Variants in INPP4B observed in about 807,000 individuals in gnomAD.
The protein encoded by INPP4B is inositol polyphosphate 4-phosphatase type II.
Under a neutral mutation model 122.5 loss-of-function variants are expected in INPP4B, and 55 were observed. The observed-to-expected ratio is 0.45, with a 90% CI of 0.36 to 0.56. The LOEUF is 0.56. Ranked by LOEUF, INPP4B falls within the 20% of genes least tolerant of loss-of-function variation. The pLI, the probability that INPP4B is intolerant of heterozygous loss-of-function variation, is 0.00. For missense variants in INPP4B, 1,000 were observed against 1,097.7 expected (o/e 0.91, Z 1.26); for synonymous variants, 403 against 388.7 (o/e 1.04, Z -0.43).
intron 11 of INPP4B, among the ~76,000 whole-genome samples, chr4:142,255,780 C>T (rs1442636162): frequency 6.6e-6 from 1 of 151,988 alleles, no homozygotes; most frequent in African/African-American, 2.4e-5. Flanking sequence ...CCACTGTCAA[C>T]ATTAGACAGA....
chr4:142,487,573 A>C (rs1203595242), intron 2 of INPP4B, among the ~76,000 whole-genome samples: 5 of 152,142 alleles, frequency 3.3e-5, no homozygotes, highest in Admixed American at 1.3e-4. Flanking sequence ...TGAGTTTCTT[A>C]GTCCATGGAT....
intron 2 of INPP4B, among the ~76,000 whole-genome samples, chr4:142,475,109 T>C (rs17016195): frequency 0.2 from 30,211 of 152,108 alleles, 3,599 homozygotes; most frequent in East Asian, 0.44. Context: ...ACTGTGGCCC[T>C]TGCCTGAGAG....
At chr4:142,735,658 C>T (rs1188134125) in intron 1 of INPP4B, among the ~76,000 whole-genome samples, 2 of 152,082 alleles carry the variant, frequency 1.3e-5, no homozygotes, top group Non-Finnish European at 2.9e-5. Flanking sequence ...AGCTAATGTG[C>T]CTCAGTTCTT....
intron 2 of INPP4B, among the ~76,000 whole-genome samples, chr4:142,619,226 C>A (rs1744360057): frequency 6.6e-6 from 1 of 151,924 alleles, no homozygotes; most frequent in Non-Finnish European, 1.5e-5. Context: ...ATCCAGTAAT[C>A]CTGATACTGG....
chr4:142,291,662 A>G (rs72722457), intron 9 of INPP4B, among the ~76,000 whole-genome samples: 12,037 of 152,188 alleles, frequency 0.079, 632 homozygotes, highest in Middle Eastern at 0.15. Flanking sequence ...CCTCTTTGTC[A>G]CTTGGAAAAT....
chr4:142,251,185 G>T (rs1386444500), intron 11 of INPP4B, among the ~76,000 whole-genome samples: 4 of 151,966 alleles, frequency 2.6e-5, no homozygotes, highest in Non-Finnish European at 5.9e-5. Context: ...TAACCAATAA[G>T]CATGACAAAA....
rs565844184 is a variant in INPP4B, at chr4:142,765,201, A to G, written c.-253-39300T>C. ...TGATAATGGAATGGCCCCAAATTAGAGATTAGCAAGGCAATGAAGATATTG... is the reference window on the plus strand; with the variant it reads ...TGATAATGGAATGGCCCCAAATTAGGGATTAGCAAGGCAATGAAGATATTG... On this transcript the variant is annotated intron_variant, in intron 1 of 25. Transcript: ENST00000262992. Among the ~76,000 whole-genome samples the G allele has an allele frequency of 2.6e-5, 4 of 152,252 alleles. No homozygotes were observed. In the South Asian group the frequency reaches 6.2e-4, roughly 24 times the overall value.
At chr4:142,548,250 G>A (rs1727089210) in intron 2 of INPP4B, among the ~76,000 whole-genome samples, 1 of 152,172 alleles carries the variant, frequency 6.6e-6, no homozygotes, top group African/African-American at 2.4e-5. Flanking sequence ...AGAATGTTGA[G>A]AGAGTCACAG....
At chr4:142,715,795 G>C (rs867930416) in intron 2 of INPP4B, among the ~76,000 whole-genome samples, 1 of 152,144 alleles carries the variant, frequency 6.6e-6, no homozygotes, top group African/African-American at 2.4e-5. Flanking sequence ...TTTAGGCTGG[G>C]ACCATGGGGA....
At chr4:142,631,124 A>C (rs1747859591) in intron 2 of INPP4B, among the ~76,000 whole-genome samples, 1 of 152,142 alleles carries the variant, frequency 6.6e-6, no homozygotes, top group South Asian at 2.1e-4. Context: ...CAGGTACAAC[A>C]TACAAGAGAA....
At chr4:142,297,637 C>T (rs1759347902) in intron 9 of INPP4B, among the ~76,000 whole-genome samples, 1 of 152,220 alleles carries the variant, frequency 6.6e-6, no homozygotes, top group Admixed American at 6.5e-5. Context: ...TGAGCAAACG[C>T]TGGTGTCATG....
At chr4:142,202,205 G>T (rs2149456515) in intron 14 of INPP4B, among the ~76,000 whole-genome samples, 1 of 152,034 alleles carries the variant, frequency 6.6e-6, no homozygotes, top group South Asian at 2.1e-4. Flanking sequence ...TAATAATAGG[G>T]CTGCCTTGTA....
chr4:142,758,145 G>A (rs771031051), intron 1 of INPP4B, among the ~76,000 whole-genome samples: 10 of 152,090 alleles, frequency 6.6e-5, no homozygotes, highest in Non-Finnish European at 1.5e-4. Flanking sequence ...AAGTGCAGCC[G>A]AAGGAAGCCA....
chr4:142,115,844 A>C (rs866514927), intron 21 of INPP4B, among the ~76,000 whole-genome samples: 26 of 152,210 alleles, frequency 1.7e-4, no homozygotes, highest in Admixed American at 9.2e-4. Flanking sequence ...GCTAAATGCT[A>C]CAATTAAAAG....
intron 7 of INPP4B, among the ~76,000 whole-genome samples, chr4:142,334,359 C>A (rs998983928): frequency 6.6e-6 from 1 of 152,100 alleles, no homozygotes; most frequent in African/African-American, 2.4e-5. Flanking sequence ...AGAGGATACT[C>A]GGATTGTTTC....
chr4:142,830,850 C>CAA (rs70949194), intron 1 of INPP4B, among the ~76,000 whole-genome samples: 1,970 of 91,352 alleles, frequency 0.022, 54 homozygotes, highest in African/African-American at 0.066. Flanking sequence ...GCTGTCTCTA[C>CAA]AAAAAAAAAA....
intron 3 of INPP4B, among the ~76,000 whole-genome samples, chr4:142,435,367 T>C (rs992166492): frequency 6.6e-6 from 1 of 151,730 alleles, no homozygotes; most frequent in African/African-American, 2.4e-5. Flanking sequence ...TTGCCATTCC[T>C]ACCACAAATT....
At chr4:142,323,998 G>A (rs1264076423) in intron 7 of INPP4B, among the ~76,000 whole-genome samples, 3 of 152,058 alleles carry the variant, frequency 2.0e-5, no homozygotes, top group Admixed American at 1.3e-4. Flanking sequence ...AGCTCAGAAC[G>A]TAATTATTTG....
chr4:142,084,849 C>T (rs985248634), intron 24 of INPP4B, among the ~76,000 whole-genome samples: 31 of 152,264 alleles, frequency 2.0e-4, no homozygotes, highest in African/African-American at 7.0e-4. Flanking sequence ...CATAATGACA[C>T]ATTTATATGT....
Sources: allele counts gnomAD v4.1 joint callset (sites outside exome capture counted in the v4.1 genomes callset), GRCh38; gene constraint gnomAD v4.1.1; transcripts MANE v1.5; gene names NCBI Gene and HGNC (gene_info 2026-07-23, HGNC 2026-07-21).